PCDH1: variants seen among roughly 807,000 people sequenced by gnomAD.
PCDH1 encodes protocadherin-1.
A neutral mutation model predicts 74.6 loss-of-function variants in PCDH1; 23 were observed. The observed-to-expected ratio is 0.31, with a 90% confidence interval of 0.22 to 0.44. The LOEUF is 0.44. PCDH1 is among the 20% of genes least tolerant of loss of function. PCDH1 has a pLI of 1.00. For synonymous variants in PCDH1, 647 were observed against 686.1 expected, an observed-to-expected ratio of 0.94 and a Z score of 0.89; for missense variants, 1,214 against 1,641.4, an observed-to-expected ratio of 0.74 and a Z score of 4.50.
chr5:141,878,322 T>TTCGGGC lies in PCDH1; in HGVS notation c.-66_-61dup, dbSNP rs1015183337. 1.9e-5 allele frequency: 22 copies of TTCGGGC among 1,167,084 alleles called. No individual in the cohort carries two copies. Among genetic ancestry groups the TTCGGGC allele is most frequent in the South Asian group, 4.0e-5 (1 of 24,992 alleles). 72.3% of individuals were successfully genotyped at this position (1,167,084 alleles called of 1,614,324 possible). ...CGCACGGCTGGGGCTGGAGCTGCAGTTCGGGCTCCGGCTCCGGCTCCGGCT... is the reference window on the plus strand; with the variant it reads ...CGCACGGCTGGGGCTGGAGCTGCAGTTCGGGCTCGGGCTCCGGCTCCGGCTCCGGCT... On this transcript the variant is annotated 5_prime_UTR_variant, in exon 1 of 5. Transcript: ENST00000287008. This position sits in a 1 kb window ranked among gnomAD's most constrained non-coding sequence, Gnocchi z 5.5.
At position 141,863,251 on chromosome 5, in the gene PCDH1, G is replaced by T. The variant is rs368562035; in HGVS notation, c.3080C>A (p.Pro1027His). ...YSDYSYRTNP[P>H]KYPSKQLPHR... ...GCCTACCTGCTTGCTGGGGTATTTGGGGGGGTTGGTGCGGTAGCTGTAGTC... is the reference window on the plus strand; with the variant it reads ...GCCTACCTGCTTGCTGGGGTATTTGTGGGGGTTGGTGCGGTAGCTGTAGTC... Residue 1027 changes from proline (P) to histidine (H), a missense_variant, in exon 3 of 5, where the codon CCC becomes CAC. Physicochemically the swap from Pro to His is moderately conservative, Grantham distance 77. Around this residue, in one of 4 missense-constraint regions of PCDH1, gnomAD observed 836 missense variants for 1,182.2 expected, o/e 0.71. Coordinates refer to ENST00000287008, the MANE Select transcript of PCDH1 (RefSeq NM_032420.5). This position sits in a 1 kb window ranked among gnomAD's most constrained non-coding sequence, Gnocchi z 7.5. The T allele has an allele frequency of 8.4e-5, 134 of 1,593,322 alleles. No individual in the cohort carries two copies. Among genetic ancestry groups the T allele is most frequent in the Non-Finnish European group, 1.1e-4 (127 of 1,169,852 alleles).
chr5:141,868,693 C>T lies in PCDH1; in HGVS notation c.779G>A (p.Arg260His), dbSNP rs773816282. 1.4e-5 allele frequency: 23 copies of T among 1,613,666 alleles called. No individual in the cohort carries two copies. Among genetic ancestry groups the T allele is most frequent in the East Asian group, 2.2e-5 (1 of 44,880 alleles). Residue 260 changes from arginine to histidine, a missense_variant, in exon 2 of 5, where the codon CGC (arginine) becomes CAC (histidine). Physicochemically the swap from Arg to His is conservative, Grantham distance 29 (BLOSUM62 0). Around this residue, in one of 4 missense-constraint regions of PCDH1, gnomAD observed 836 missense variants for 1,182.2 expected, o/e 0.71. Coordinates refer to ENST00000287008, the MANE Select transcript of PCDH1 (RefSeq NM_032420.5). This position sits in a 1 kb window ranked among gnomAD's most constrained non-coding sequence, Gnocchi z 4.8. The part of the protein sequence containing the change: ...IKVQDGGSPP[R>H]ASSALLRVTV... ...GACACGCAGCAGGGCACTGCTGGCG[C>T]GTGGGGGGCTGCCGCCATCCTGCAC...
At chr5:141,856,316 G>T in intron 4 of PCDH1, 5 of 1,437,448 alleles carry the variant, frequency 3.5e-6, no homozygotes, top group Non-Finnish European at 4.7e-6. Flanking sequence ...TGGAGGGGCG[G>T]GGTGGGGGTG....
In PCDH1 at chr5:141,868,090, T is replaced by C. The variant is rs1440111414; in HGVS notation, c.903+479A>G. On this transcript the variant is annotated intron_variant, in intron 2 of 4. Coordinates refer to ENST00000287008, the MANE Select transcript of PCDH1 (RefSeq NM_032420.5). This position sits in a 1 kb window ranked among gnomAD's most constrained non-coding sequence, Gnocchi z 4.8. ...CCCACCTGGCTAAAATGATCTCATC[T>C]GACTTTGTCAGGAAGAGGCAAAATG... Among the ~76,000 whole-genome samples the C allele has an allele frequency of 6.6e-6, 1 of 152,282 alleles. No individual in the cohort carries two copies. The highest frequency in any genetic ancestry group is 1.5e-5 in the Non-Finnish European group (1 of 68,046).
At chr5:141,872,272 A>G (rs1753114136) in intron 1 of PCDH1, among the ~76,000 whole-genome samples, 1 of 152,146 alleles carries the variant, frequency 6.6e-6, no homozygotes, top group Non-Finnish European at 1.5e-5. Context: ...CTCTGCATAT[A>G]CAATGTGGTA....
Position 141,857,256 on chromosome 5 carries a change from C to T in PCDH1, c.3315G>A (p.Glu1105=). The T allele has an allele frequency of 1.3e-6, 2 of 1,573,782 alleles. No individual in the cohort carries two copies. The highest frequency in any genetic ancestry group is 1.7e-6 in the Non-Finnish European group (2 of 1,161,348). ...DGSIGEMEHP[E]NDLRPLPDVA... is the part of the protein sequence containing the mutation. ...GACCATGGTGCTGCGCCTCACCATTCTCGGGGTGCTCCATCTCTCCTATGC... is the reference window on the plus strand; with the variant it reads ...GACCATGGTGCTGCGCCTCACCATTTTCGGGGTGCTCCATCTCTCCTATGC... Residue 1105 remains glutamate (E), a synonymous_variant, in exon 4 of 5, where the codon GAG becomes GAA. Coordinates refer to ENST00000287008, the MANE Select transcript of PCDH1 (RefSeq NM_032420.5).
chr5:141,855,864 G>C (rs938542294), intron 4 of PCDH1, among the ~76,000 whole-genome samples: 1 of 152,166 alleles, frequency 6.6e-6, no homozygotes, highest in Non-Finnish European at 1.5e-5. Flanking sequence ...GCTGGGCAGC[G>C]GGGGTCTCCA....
Position 141,863,365 on chromosome 5 carries a change from T to C in PCDH1, c.2966A>G (p.Lys989Arg), listed in dbSNP as rs1302847569. 4 of 1,548,068 alleles carry C rather than the reference T, an allele frequency of 2.6e-6. No individual in the cohort carries two copies. In the African/African-American group the frequency reaches 5.5e-5, roughly 21 times the overall value. ...CAGGTCCTGTACCACCTGGTGCTTC[T>C]TGGAGGCTGAGGGTGACTGGGGCTG... ...QLQPQSPSAS[K>R]KHQVVQDLPP... is the part of the protein sequence containing the mutation. Residue 989 changes from lysine (K) to arginine (R), a missense_variant, in exon 3 of 5, where the codon AAG becomes AGG. Physicochemically the swap from Lys to Arg is conservative, Grantham distance 26. Around this residue, in one of 4 missense-constraint regions of PCDH1, gnomAD observed 836 missense variants for 1,182.2 expected, o/e 0.71. Coordinates refer to ENST00000287008, the MANE Select transcript of PCDH1 (RefSeq NM_032420.5). This position sits in a 1 kb window ranked among gnomAD's most constrained non-coding sequence, Gnocchi z 7.5.
chr5:141,877,139 C>T (rs917096987), intron 1 of PCDH1, among the ~76,000 whole-genome samples: 1 of 152,206 alleles, frequency 6.6e-6, no homozygotes, highest in African/African-American at 2.4e-5. Context: ...TGAATCTGGA[C>T]TCCGAGAGAG....
At chr5:141,855,232 C>T (rs1290745973) in intron 4 of PCDH1, among the ~76,000 whole-genome samples, 1 of 152,098 alleles carries the variant, frequency 6.6e-6, no homozygotes, top group African/African-American at 2.4e-5. Context: ...GCCTCAGCCT[C>T]CCAGAGTGTT....
intron 2 of PCDH1, chr5:141,866,165 CA>C (rs1752821474): frequency 1.0e-6 from 1 of 985,506 alleles, no homozygotes; most frequent in Non-Finnish European, 1.2e-6. Flanking sequence ...GGGCCCCAGC[CA>C]CCGCTCTGTC....
Position 141,854,424 on chromosome 5 carries a change from A to T in PCDH1, c.3332T>A (p.Leu1111Ter). 6.2e-7 allele frequency: 1 copy of T among 1,609,568 alleles called. No homozygotes were observed. Among genetic ancestry groups the T allele is most frequent in the Non-Finnish European group, 8.5e-7 (1 of 1,177,790 alleles). Residue 1111 changes from leucine (L) to a stop codon, truncating the protein, a stop_gained, in exon 5 of 5, where the codon TTG becomes TAG. Transcript: ENST00000287008. LOFTEE classifies it high-confidence loss of function. ...MEHPENDLRP[L>*]PDVAMTGTCT... ...TGTGCCTGTCATGGCGACATCAGGCAAAGGGCGAAGGTCTGTAGGAGGGAG... is the reference window on the plus strand; with the variant it reads ...TGTGCCTGTCATGGCGACATCAGGCTAAGGGCGAAGGTCTGTAGGAGGGAG...
Position 141,864,624 on chromosome 5 carries a change from A to G in PCDH1, c.1707T>C (p.Ser569=), listed in dbSNP as rs774295996. 1 of 1,613,566 alleles carries G rather than the reference A, an allele frequency of 6.2e-7. No individual in the cohort carries two copies. The highest frequency in any genetic ancestry group is 8.5e-7 in the Non-Finnish European group (1 of 1,180,008). ...AGCTCTCCCGCTGTTCCCGATCCAG[A>G]GATGTCTTCACCTGGATCTCTCCAG... ...PETGEIQVKT[S]LDREQRESYE... The change falls in exon 3 of 5, where the codon TCT becomes TCC. Residue 569 remains serine, a synonymous_variant. Coordinates refer to ENST00000287008, the MANE Select transcript of PCDH1 (RefSeq NM_032420.5). The surrounding 1 kb of genome is among the most constrained non-coding windows in gnomAD (Gnocchi z 5.9).
chr5:141,865,215 C>G lies in PCDH1; in HGVS notation c.1116G>C (p.Gln372His). The change falls in exon 3 of 5, where the codon CAG becomes CAC. Residue 372 changes from glutamine (Q) to histidine (H), a missense_variant. Around this residue, in one of 4 missense-constraint regions of PCDH1, gnomAD observed 836 missense variants for 1,182.2 expected, o/e 0.71. Coordinates refer to ENST00000287008, the MANE Select transcript of PCDH1 (RefSeq NM_032420.5). The surrounding 1 kb of genome is among the most constrained non-coding windows in gnomAD (Gnocchi z 4.4). Reference sequence around the variant, plus strand: ...TCATGTCCTTCACGGTCACAACCACCTGGGCACGGGCACTCTTGGGGTTGG... The same window carrying G: ...TCATGTCCTTCACGGTCACAACCACGTGGGCACGGGCACTCTTGGGGTTGG... ...RGTNPKSARA[Q>H]VVVTVKDMND... is the part of the protein sequence containing the mutation. 6.2e-7 allele frequency: 1 copy of G among 1,614,182 alleles called. No homozygotes were observed. Among genetic ancestry groups the G allele is most frequent in the Non-Finnish European group, 8.5e-7 (1 of 1,180,044 alleles).
At chr5:141,856,937 G>C (rs563320156) in intron 4 of PCDH1, among the ~76,000 whole-genome samples, 1 of 152,270 alleles carries the variant, frequency 6.6e-6, no homozygotes, top group South Asian at 2.1e-4. Context: ...GGTGCCGAAT[G>C]CAACAGCTTT....
At position 141,878,171 on chromosome 5, in the gene PCDH1, G is replaced by T; in HGVS notation, c.40+52C>A. ...CCCTCCCTCAGCTCCCGCCGGCCATGACCGCTTCGGGCCCCAAGCCGCTGC... is the reference window on the plus strand; with the variant it reads ...CCCTCCCTCAGCTCCCGCCGGCCATTACCGCTTCGGGCCCCAAGCCGCTGC... On this transcript the variant is annotated intron_variant, in intron 1 of 4. Coordinates refer to ENST00000287008, the MANE Select transcript of PCDH1 (RefSeq NM_032420.5). This position sits in a 1 kb window ranked among gnomAD's most constrained non-coding sequence, Gnocchi z 5.5. 1.4e-6 allele frequency: 2 copies of T among 1,421,602 alleles called. No homozygotes were observed. The highest frequency in any genetic ancestry group is 2.7e-5 in the South Asian group (2 of 72,980). The allele number at this position is 1,421,602 out of a possible 1,614,324, so 88.1% of individuals were successfully genotyped here.
In PCDH1 at chr5:141,869,736, C is replaced by A. The variant is rs1753040805; in HGVS notation, c.41-305G>T. On this transcript the variant is annotated intron_variant, in intron 1 of 4. Transcript: ENST00000287008. This position sits in a 1 kb window ranked among gnomAD's most constrained non-coding sequence, Gnocchi z 4.9. ...GCTCCCTGGGCCCAAGCCCGGCTGC[C>A]CGCCCTCTTTCCTTCTTTTCCTCCT... 6 of 1,452,460 alleles carry A rather than the reference C, an allele frequency of 4.1e-6. No homozygotes were observed. The highest frequency in any genetic ancestry group is 2.3e-5 in the Admixed American group (1 of 43,974). 90.0% of individuals were successfully genotyped at this position (1,452,460 alleles called of 1,614,324 possible).
At chr5:141,873,629 T>G (rs1753150606) in intron 1 of PCDH1, among the ~76,000 whole-genome samples, 1 of 149,580 alleles carries the variant, frequency 6.7e-6, no homozygotes, top group Admixed American at 6.6e-5. Flanking sequence ...TTTTTTTTTT[T>G]TTGTATTTTT....
intron 1 of PCDH1, among the ~76,000 whole-genome samples, chr5:141,870,771 C>G (rs1488664740): frequency 6.6e-6 from 1 of 152,146 alleles, no homozygotes; most frequent in Admixed American, 6.5e-5. Flanking sequence ...TGAATGCCCC[C>G]TCCTCTCCAA....
Sources: allele counts gnomAD v4.1 joint callset (sites outside exome capture counted in the v4.1 genomes callset), GRCh38; gene constraint gnomAD v4.1.1; regional missense constraint gnomAD v4.1.1; non-coding constraint Gnocchi (gnomAD v3.1); transcripts MANE v1.5; gene names NCBI Gene and HGNC (gene_info 2026-07-23, HGNC 2026-07-21).